The following LAMA2 variants were observed in gnomAD, a reference collection of about 807,000 sequenced individuals.
The protein encoded by LAMA2 is laminin subunit alpha 2, also known as laminin subunit alpha-2.
Under a neutral mutation model 364.8 loss-of-function variants are expected in LAMA2, and 269 were observed. The ratio of observed to expected loss-of-function variants is 0.74; its 90% CI spans 0.67 to 0.82. LAMA2 has a LOEUF of 0.82. LAMA2 is among the 40% of genes least tolerant of loss of function. LAMA2 has a pLI of 0.00. For missense variants in LAMA2, 3,807 were observed against 3,873.2 expected (o/e 0.98, Z 0.45); for synonymous variants, 1,379 against 1,370.6 (o/e 1.01, Z -0.14).
At chr6:129,391,253 T>G (rs1779301706) in intron 35 of LAMA2, among the ~76,000 whole-genome samples, 1 of 152,190 alleles carries the variant, frequency 6.6e-6, no homozygotes, top group Admixed American at 6.5e-5. Context: ...CTTTTGAGGT[T>G]AGAAACACCA....
At chr6:129,033,573 TG>T (rs1056010069) in intron 1 of LAMA2, among the ~76,000 whole-genome samples, 8 of 152,220 alleles carry the variant, frequency 5.3e-5, no homozygotes, top group Non-Finnish European at 8.8e-5. Context: ...AAATTTTTTT[TG>T]TTTTCTATAT....
At chr6:129,333,167 C>A (rs1775759958) in intron 29 of LAMA2, among the ~76,000 whole-genome samples, 3 of 152,132 alleles carry the variant, frequency 2.0e-5, no homozygotes, top group African/African-American at 7.2e-5. Flanking sequence ...TCAGGGATTA[C>A]AGGCATGAAC....
At chr6:129,448,432 T>C (rs533588970) in intron 45 of LAMA2, among the ~76,000 whole-genome samples, 1 of 152,350 alleles carries the variant, frequency 6.6e-6, no homozygotes, top group African/African-American at 2.4e-5. Context: ...ACGTTAGAAA[T>C]ATGCAAGTAG....
chr6:129,109,208 A>T (rs1284740986), intron 4 of LAMA2, among the ~76,000 whole-genome samples: 1 of 152,022 alleles, frequency 6.6e-6, no homozygotes, highest in Non-Finnish European at 1.5e-5. Flanking sequence ...GAATCTGTTG[A>T]TTCTGTGTTG....
intron 1 of LAMA2, among the ~76,000 whole-genome samples, chr6:128,943,269 C>CACAG (rs1365657711): frequency 0.012 from 1,786 of 143,158 alleles, 40 homozygotes; most frequent in African/African-American, 0.038. Context: ...TATATATACA[C>CACAG]AGAGAGAGAG....
rs1787050408 is a variant in LAMA2, at chr6:129,516,117, G to C, written c.9212-73G>C. On this transcript the variant is annotated intron_variant, in intron 64 of 64. Coordinates refer to ENST00000421865, the MANE Select transcript of LAMA2 (RefSeq NM_000426.4). ...CCAATTTAATCTCAAGCTAACAGTTGACTTTGAAACATGCTCTTAATATTT... is the reference window on the plus strand; with the variant it reads ...CCAATTTAATCTCAAGCTAACAGTTCACTTTGAAACATGCTCTTAATATTT... 5 of 1,512,812 alleles carry C rather than the reference G, an allele frequency of 3.3e-6. 1 individual carries two copies. In the Admixed American group the frequency reaches 8.3e-5, roughly 25 times the overall value. 93.7% of individuals were successfully genotyped at this position (1,512,812 alleles called of 1,614,324 possible).
At chr6:129,197,514 C>A (rs1462481010) in intron 12 of LAMA2, among the ~76,000 whole-genome samples, 2 of 152,172 alleles carry the variant, frequency 1.3e-5, no homozygotes, top group African/African-American at 4.8e-5. Context: ...CTTTTCTGGG[C>A]CGAACCAATG....
At chr6:128,918,484 T>C (rs1326888380) in intron 1 of LAMA2, among the ~76,000 whole-genome samples, 2 of 152,182 alleles carry the variant, frequency 1.3e-5, no homozygotes, top group Admixed American at 6.5e-5. Flanking sequence ...GAAGTTAAAA[T>C]TTTCAGATTT....
At chr6:129,492,561 G>A in intron 58 of LAMA2, 78 bp downstream of exon 58, 3 of 1,271,372 alleles carry the variant, frequency 2.4e-6, no homozygotes, top group Non-Finnish European at 3.5e-6. Flanking sequence ...AGATTATTCA[G>A]GATATCTAGT....
intron 2 of LAMA2, among the ~76,000 whole-genome samples, chr6:129,058,942 C>T (rs1357285992): frequency 1.3e-5 from 2 of 152,120 alleles, no homozygotes; most frequent in African/African-American, 4.8e-5. Flanking sequence ...ATTCAAGAAC[C>T]TACAATGGCC....
intron 8 of LAMA2, chr6:129,158,864 A>G (rs1779287983): frequency 1.8e-5 from 29 of 1,613,704 alleles, no homozygotes; most frequent in Non-Finnish European, 2.4e-5. Context: ...ATCTTCTTCT[A>G]TGATGGCAAA....
chr6:129,507,275 G>A (rs989742359), intron 61 of LAMA2, among the ~76,000 whole-genome samples: 3 of 152,102 alleles, frequency 2.0e-5, no homozygotes, highest in Non-Finnish European at 4.4e-5. Flanking sequence ...TTCCAGGATA[G>A]ACACATCCAA....
intron 1 of LAMA2, among the ~76,000 whole-genome samples, chr6:129,025,186 T>A (rs1785724596): frequency 6.6e-6 from 1 of 152,142 alleles, no homozygotes; most frequent in Non-Finnish European, 1.5e-5. Context: ...TTATAAAATG[T>A]AAAAAATCAA....
chr6:129,161,693 C>A (rs967726068), intron 8 of LAMA2, among the ~76,000 whole-genome samples: 1 of 152,106 alleles, frequency 6.6e-6, no homozygotes, highest in Non-Finnish European at 1.5e-5. Flanking sequence ...CTATTGTTGC[C>A]TTCTTTGTGT....
At chr6:129,186,777 C>T (rs545901868) in intron 10 of LAMA2, among the ~76,000 whole-genome samples, 21 of 151,636 alleles carry the variant, frequency 1.4e-4, no homozygotes, top group African/African-American at 4.3e-4. Flanking sequence ...ATCTGAAGTC[C>T]GCCTCATCAG....
At chr6:129,100,036 C>T (rs895369231) in intron 4 of LAMA2, among the ~76,000 whole-genome samples, 1 of 152,160 alleles carries the variant, frequency 6.6e-6, no homozygotes, top group African/African-American at 2.4e-5. Context: ...CAATTTAAGA[C>T]TATTCTATAC....
intron 4 of LAMA2, among the ~76,000 whole-genome samples, chr6:129,138,064 G>C (rs1042605445): frequency 6.6e-6 from 1 of 151,860 alleles, no homozygotes. Context: ...ACACAGAAAA[G>C]GTGTTTGAGG....
intron 31 of LAMA2, among the ~76,000 whole-genome samples, chr6:129,352,396 T>C (rs964318823): frequency 2.6e-5 from 4 of 152,238 alleles, no homozygotes; most frequent in African/African-American, 7.2e-5. Context: ...ATCAGTGTTA[T>C]ATATTTTGTT....
At chr6:128,910,610 A>G (rs1777846967) in intron 1 of LAMA2, among the ~76,000 whole-genome samples, 1 of 152,114 alleles carries the variant, frequency 6.6e-6, no homozygotes, top group African/African-American at 2.4e-5. Flanking sequence ...GAGTAATTTG[A>G]TCATCTGAAG....
Sources: allele counts gnomAD v4.1 joint callset (sites outside exome capture counted in the v4.1 genomes callset), GRCh38; gene constraint gnomAD v4.1.1; transcripts MANE v1.5; gene names NCBI Gene and HGNC (gene_info 2026-07-23, HGNC 2026-07-21).